The following GPC6 variants were observed in gnomAD, a reference collection of about 807,000 sequenced individuals.
GPC6 encodes glypican 6, also known as glypican-6.
Under a neutral mutation model 55.2 loss-of-function variants are expected in GPC6, and 14 were observed. That is an observed-to-expected ratio of 0.25 (90% CI 0.17 to 0.40). The LOEUF is 0.40. Ranked by LOEUF, GPC6 falls within the 10% of genes least tolerant of loss-of-function variation. The pLI, the probability that GPC6 is intolerant of heterozygous loss-of-function variation, is 1.00. For missense variants in GPC6, 641 were observed against 708.5 expected, an observed-to-expected ratio of 0.90 and a Z score of 1.08; for synonymous variants, 278 against 259.6, an observed-to-expected ratio of 1.07 and a Z score of -0.68.
intron 6 of GPC6, among the ~76,000 whole-genome samples, chr13:94,360,221 T>C (rs1878994396): frequency 6.6e-6 from 1 of 152,284 alleles, no homozygotes; most frequent in African/African-American, 2.4e-5. Flanking sequence ...ACTTGCCTGT[T>C]AGAGAAATGG....
chr13:93,454,833 AG>A (rs368939243), intron 1 of GPC6, among the ~76,000 whole-genome samples: 1 of 152,172 alleles, frequency 6.6e-6, no homozygotes, highest in East Asian at 1.9e-4. Context: ...GCCCTGGAGC[AG>A]GGGGTGGAGC....
intron 3 of GPC6, among the ~76,000 whole-genome samples, chr13:93,908,883 T>A (rs538248719): frequency 6.6e-6 from 1 of 152,192 alleles, no homozygotes; most frequent in Non-Finnish European, 1.5e-5. Context: ...CCTTCTGGTA[T>A]CTGTTTAAAT....
At chr13:94,206,857 A>C (rs1172137100) in intron 4 of GPC6, among the ~76,000 whole-genome samples, 2 of 152,170 alleles carry the variant, frequency 1.3e-5, no homozygotes, top group Admixed American at 1.3e-4. Context: ...TGTTTCAAAA[A>C]AGAAAATAAA....
intron 4 of GPC6, among the ~76,000 whole-genome samples, chr13:94,039,159 G>A (rs1883442942): frequency 6.6e-6 from 1 of 152,000 alleles, no homozygotes; most frequent in Non-Finnish European, 1.5e-5. Flanking sequence ...TTGCTGTTGT[G>A]TACATGGAGG....
intron 2 of GPC6, among the ~76,000 whole-genome samples, chr13:93,758,459 G>A (rs186423457): frequency 1.1e-3 from 162 of 152,082 alleles, no homozygotes; most frequent in Non-Finnish European, 2.1e-3. Flanking sequence ...GGATATCTAT[G>A]TATCTATGGA....
chr13:93,614,117 CA>C (rs1266168789), intron 2 of GPC6, among the ~76,000 whole-genome samples: 1 of 152,118 alleles, frequency 6.6e-6, no homozygotes, highest in African/African-American at 2.4e-5. Flanking sequence ...TTTGATTAGA[CA>C]GCAAATTATC....
intron 5 of GPC6, among the ~76,000 whole-genome samples, chr13:94,297,073 G>A (rs1875375887): frequency 6.6e-6 from 1 of 152,066 alleles, no homozygotes; most frequent in Non-Finnish European, 1.5e-5. Flanking sequence ...ACATGTAGTT[G>A]CATGGCCCAG....
chr13:93,611,512 G>T (rs868817587), intron 2 of GPC6, among the ~76,000 whole-genome samples: 32 of 152,130 alleles, frequency 2.1e-4, no homozygotes, highest in African/African-American at 6.7e-4. Flanking sequence ...TAGCATTTTA[G>T]GGGACATTTT....
intron 2 of GPC6, among the ~76,000 whole-genome samples, chr13:93,741,334 C>A (rs1486073651): frequency 1.3e-5 from 2 of 151,906 alleles, no homozygotes; most frequent in Non-Finnish European, 2.9e-5. Flanking sequence ...CCAGGATGGT[C>A]TCGATCTCCT....
At chr13:93,728,297 G>A (rs1196716261) in intron 2 of GPC6, among the ~76,000 whole-genome samples, 1 of 151,864 alleles carries the variant, frequency 6.6e-6, no homozygotes, top group African/African-American at 2.4e-5. Flanking sequence ...GCTCATTGCA[G>A]CCTCAATTTC....
intron 2 of GPC6, among the ~76,000 whole-genome samples, chr13:93,790,996 T>C (rs1290150155): frequency 6.6e-6 from 1 of 152,198 alleles, no homozygotes; most frequent in African/African-American, 2.4e-5. Context: ...TTTATGGAAA[T>C]GCTTAGTTTT....
chr13:94,130,071 T>C (rs1398160297), intron 4 of GPC6, among the ~76,000 whole-genome samples: 1 of 152,182 alleles, frequency 6.6e-6, no homozygotes, highest in East Asian at 1.9e-4. Flanking sequence ...TGGAGCAAGA[T>C]ATATTTAATG....
chr13:93,660,190 G>A (rs535954300), intron 2 of GPC6, among the ~76,000 whole-genome samples: 25 of 152,084 alleles, frequency 1.6e-4, no homozygotes, highest in Admixed American at 5.9e-4. Flanking sequence ...TCAAAAGCAC[G>A]CAGTTAAAAA....
chr13:93,630,544 G>A (rs1240474608), intron 2 of GPC6, among the ~76,000 whole-genome samples: 1 of 152,004 alleles, frequency 6.6e-6, no homozygotes, highest in Non-Finnish European at 1.5e-5. Context: ...TTTTCTTCCT[G>A]GAAAAATAGT....
chr13:94,288,885 A>AATATATAACAAATATATATATATTTGTT (rs1555316136), intron 5 of GPC6, among the ~76,000 whole-genome samples: 8 of 33,388 alleles, frequency 2.4e-4, no homozygotes, highest in African/African-American at 5.0e-4. Flanking sequence ...ATATATAACT[A>AATATATAACAAATATATATATATTTGTT]ATATATATAA....
rs1324319999 is a variant in GPC6 at position 93,365,137 on chromosome 13, T to A, written c.160+137521T>A. On this transcript the variant is annotated intron_variant, in intron 1 of 8. Transcript: ENST00000377047. ...CTTTCTCTGAAGCCATGGACCAGCA[T>A]GTTTGACTGGCTGATGCGTTCCCAC... 2.0e-5 allele frequency among the ~76,000 whole-genome samples: 3 copies of A among 152,112 alleles called. No individual in the cohort carries two copies. The East Asian group carries it at 5.8e-4, about 29-fold the overall frequency.
chr13:93,890,211 G>A lies in GPC6; in HGVS notation c.711+59666G>A, dbSNP rs117939214. 4.6e-4 allele frequency among the ~76,000 whole-genome samples: 70 copies of A among 152,122 alleles called. No individual in the cohort carries two copies. The East Asian group carries it at 0.014, about 29-fold the overall frequency. On this transcript the variant is annotated intron_variant, in intron 3 of 8. Coordinates refer to ENST00000377047, the MANE Select transcript of GPC6 (RefSeq NM_005708.5). ...AACAGTAGATTATTGTATTGCGCTG[G>A]AACTAATCTCTTTCTTCTCCAAACC...
chr13:94,075,878 G>A (rs568152923), intron 4 of GPC6, among the ~76,000 whole-genome samples: 10 of 152,140 alleles, frequency 6.6e-5, no homozygotes, highest in Non-Finnish European at 1.2e-4. Flanking sequence ...ATGGACATTT[G>A]GGTTGTTATC....
At chr13:94,367,338 T>C (rs1879328022) in intron 6 of GPC6, among the ~76,000 whole-genome samples, 1 of 152,248 alleles carries the variant, frequency 6.6e-6, no homozygotes, top group African/African-American at 2.4e-5. Flanking sequence ...TCTTGTGTTT[T>C]TCTTTTCACT....
Sources: gnomAD v4.1 joint callset for allele counts (sites outside exome capture counted in the v4.1 genomes callset) on GRCh38, gnomAD v4.1.1 for gene constraint, MANE v1.5 for transcripts, NCBI Gene and HGNC (gene_info 2026-07-23, HGNC 2026-07-21) for gene names.